The following OTOF variants were observed in gnomAD, a reference collection of about 807,000 sequenced individuals.
The protein encoded by OTOF is otoferlin, also known as fer-1-like family member 2.
OTOF carries 218 observed loss-of-function variants against 236.8 expected under a neutral mutation model. That is an observed-to-expected ratio of 0.92 (90% confidence interval 0.82 to 1.03). OTOF has a LOEUF of 1.03. Ranked by LOEUF, OTOF falls within the 50% of genes least tolerant of loss-of-function variation. The probability of loss-of-function intolerance (pLI) is 0.00; values close to 1 mark genes in which losing one functional copy is unlikely to be tolerated. For synonymous variants in OTOF, 1,041 were observed against 1,072.5 expected, an observed-to-expected ratio of 0.97 and a Z score of 0.57; for missense variants, 2,590 against 2,694.4, an observed-to-expected ratio of 0.96 and a Z score of 0.86.
intron 2 of OTOF, among the ~76,000 whole-genome samples, chr2:26,536,982 G>T (rs75270733): frequency 6.6e-6 from 1 of 152,162 alleles, no homozygotes; most frequent in Non-Finnish European, 1.5e-5. Flanking sequence ...CGAGGGGAAG[G>T]GCAGGGAGAG....
chr2:26,517,652 G>A (rs561458355), intron 4 of OTOF, among the ~76,000 whole-genome samples: 11 of 152,262 alleles, frequency 7.2e-5, no homozygotes, highest in African/African-American at 1.2e-4. Flanking sequence ...TGGGAAAATG[G>A]TGGTCTCTGG....
intron 8 of OTOF, among the ~76,000 whole-genome samples, chr2:26,501,157 G>A (rs568490122): frequency 1.3e-5 from 2 of 152,266 alleles, no homozygotes; most frequent in South Asian, 2.1e-4. Flanking sequence ...CACCTGTCCT[G>A]CCTGCACTGT....
At chr2:26,518,773 C>T (rs527568897) in intron 4 of OTOF, among the ~76,000 whole-genome samples, 23 of 152,332 alleles carry the variant, frequency 1.5e-4, no homozygotes, top group South Asian at 4.1e-4. Flanking sequence ...GCATTCCCAC[C>T]GTAGGAAGGG....
chr2:26,466,151 G>A, intron 36 of OTOF, 75 bp from the exon 37 acceptor site: 1 of 1,589,078 alleles, frequency 6.3e-7, no homozygotes, highest in African/African-American at 1.3e-5. Flanking sequence ...CAGGCTGCCT[G>A]AGGGTCCTAT....
In OTOF at chr2:26,518,998, G is replaced by A; in HGVS notation, c.327+12C>T. 1 of 1,588,992 alleles carries A rather than the reference G, an allele frequency of 6.3e-7. No individual in the cohort carries two copies. Among genetic ancestry groups the A allele is most frequent in the Non-Finnish European group, 8.6e-7 (1 of 1,160,798 alleles). On this transcript the variant is annotated intron_variant, in intron 4 of 46. Coordinates refer to ENST00000272371, the MANE Select transcript of OTOF (RefSeq NM_194248.3). The stretch of plus-strand genomic sequence containing the variant: ...TATGGGAAAGTCCAGGAACTCCGTG[G>A]GGCATACCCACCTTGATGATAGCAT...
At position 26,460,510 on chromosome 2, in the gene OTOF, G is replaced by A; in HGVS notation, c.5813+137C>T. 1 of 746,998 alleles carries A rather than the reference G, an allele frequency of 1.3e-6. No individual in the cohort carries two copies. Among genetic ancestry groups the A allele is most frequent in the African/African-American group, 1.7e-5 (1 of 57,816 alleles). 46.3% of individuals were successfully genotyped at this position (746,998 alleles called of 1,614,324 possible). A position where few individuals can be genotyped will look rare whatever the true frequency, so the allele number is the denominator to read the frequency against. On this transcript the variant is annotated intron_variant, in intron 45 of 46. Transcript: ENST00000272371. The surrounding 1 kb of genome is among the most constrained non-coding windows in gnomAD (Gnocchi z 5.3). ...AGGGACGTTGTGGGATTCAGGGTTG[G>A]CAGAGGGCAGGGAGGAGGCTCCCCT... is the stretch of plus-strand genomic sequence containing the variant.
rs758200266 is a variant in OTOF, at chr2:26,518,637, C to T, written c.327+373G>A. Among the ~76,000 whole-genome samples, 8 of 152,282 alleles carry T rather than the reference C, an allele frequency of 5.3e-5. No homozygotes were observed. In the East Asian group the frequency reaches 5.8e-4, roughly 11 times the overall value. On this transcript the variant is annotated intron_variant, in intron 4 of 46. Coordinates refer to ENST00000272371, the MANE Select transcript of OTOF (RefSeq NM_194248.3). ...GGTCCCTGCCCTCCCAGGGAGGACC[C>T]GAGCCAGATGTGCAGAGTGAAGGTC...
rs1214941659 is a variant in OTOF at position 26,460,974 on chromosome 2, A to G, written c.5590T>C (p.Cys1864Arg). The G allele has an allele frequency of 6.2e-7, 1 of 1,612,550 alleles. No individual in the cohort carries two copies. The highest frequency in any genetic ancestry group is 8.5e-7 in the Non-Finnish European group (1 of 1,179,698). ...FPRGAKTAKQCTMEMATGEVD... is the reference protein window; with the variant it reads ...FPRGAKTAKQRTMEMATGEVD... Reference sequence around the variant, plus strand: ...TCCCCGGTGGCCATCTCCATGGTGCACTGCTTGGCTGTCTTTGCGCCCCGC... The same window carrying G: ...TCCCCGGTGGCCATCTCCATGGTGCGCTGCTTGGCTGTCTTTGCGCCCCGC... The change falls in exon 44 of 47, where the codon TGC (cysteine) becomes CGC (arginine). Residue 1864 changes from cysteine (C) to arginine (R), a missense_variant. Around this residue, in one of 2 missense-constraint regions of OTOF, gnomAD observed 1,211 missense variants for 1,352.8 expected, o/e 0.90. Transcript: ENST00000272371. The surrounding 1 kb of genome is among the most constrained non-coding windows in gnomAD (Gnocchi z 5.3).
chr2:26,550,816 C>T (rs1474408425), intron 1 of OTOF, among the ~76,000 whole-genome samples: 1 of 152,162 alleles, frequency 6.6e-6, no homozygotes, highest in Non-Finnish European at 1.5e-5. Context: ...CTCTCCAAAA[C>T]AAGATCTTAG....
chr2:26,531,522 A>G (rs1326319117), intron 2 of OTOF, among the ~76,000 whole-genome samples: 4 of 152,202 alleles, frequency 2.6e-5, no homozygotes, highest in Admixed American at 2.0e-4. Flanking sequence ...AACTCTGTGC[A>G]GGTCTGCAAC....
At chr2:26,495,393 A>G (rs956241401) in intron 8 of OTOF, among the ~76,000 whole-genome samples, 2 of 152,100 alleles carry the variant, frequency 1.3e-5, no homozygotes, top group African/African-American at 4.8e-5. Context: ...CTCCAGACCA[A>G]TCCAATCCAA....
intron 1 of OTOF, among the ~76,000 whole-genome samples, chr2:26,546,234 G>C (rs577743495): frequency 6.6e-6 from 1 of 152,312 alleles, no homozygotes; most frequent in East Asian, 1.9e-4. Context: ...GCCGAGGCTG[G>C]TGGATCACTT....
At chr2:26,502,261 G>T in intron 7 of OTOF, 39 bp downstream of exon 7, 1 of 1,612,376 alleles carries the variant, frequency 6.2e-7, no homozygotes, top group Non-Finnish European at 8.5e-7. Context: ...GCCTGACAGG[G>T]TGGGGGCAGC....
chr2:26,467,740 A>T (rs888125573), intron 33 of OTOF, among the ~76,000 whole-genome samples: 1 of 152,218 alleles, frequency 6.6e-6, no homozygotes, highest in African/African-American at 2.4e-5. Context: ...AGAGAGGGGC[A>T]GGAAGGAGCA....
At chr2:26,555,806 C>A (rs1451035873) in intron 1 of OTOF, among the ~76,000 whole-genome samples, 1 of 152,172 alleles carries the variant, frequency 6.6e-6, no homozygotes, top group Admixed American at 6.5e-5. Flanking sequence ...GCAGCTGCTC[C>A]CAAGGAGAAT....
intron 5 of OTOF, among the ~76,000 whole-genome samples, chr2:26,510,235 C>T (rs1446860534): frequency 6.6e-6 from 1 of 152,140 alleles, no homozygotes; most frequent in Non-Finnish European, 1.5e-5. Flanking sequence ...TCCAACTCCA[C>T]CCACGACCTG....
Position 26,464,097 on chromosome 2 carries a change from T to G in OTOF, c.4970A>C (p.Lys1657Thr), listed in dbSNP as rs1664615061. Reference protein sequence around the residue: ...SEIEDENGQRKPTDEHVALLA... With the variant: ...SEIEDENGQRTPTDEHVALLA... ...CAGCGCCACATGCTCGTCTGTGGGC[T>G]TCCTCTGACCTGTGGGTGCCGGCGG... Residue 1657 changes from lysine (K) to threonine (T), a missense_variant, in exon 40 of 47, where the codon AAG (lysine) becomes ACG (threonine). Physicochemically the swap from Lys to Thr is moderately conservative, Grantham distance 78 (BLOSUM62 -1). This residue lies in a region of OTOF where 1,211 missense variants were observed against 1,352.8 expected (regional missense o/e 0.90). Coordinates refer to ENST00000272371, the MANE Select transcript of OTOF (RefSeq NM_194248.3). The G allele has an allele frequency of 6.2e-7, 1 of 1,613,426 alleles. No homozygotes were observed. The highest frequency in any genetic ancestry group is 1.3e-5 in the African/African-American group (1 of 74,926).
intron 46 of OTOF, 55 bp from the exon 47 acceptor site, chr2:26,458,275 T>C (rs1664285439): frequency 6.6e-7 from 1 of 1,518,406 alleles, no homozygotes; most frequent in Non-Finnish European, 8.9e-7. Flanking sequence ...TGCCTCCCAG[T>C]GCACCCCATC....
In OTOF at chr2:26,489,271, G is replaced by A. The variant is rs762413663; in HGVS notation, c.985C>T (p.Arg329Cys). The change falls in exon 11 of 47, where the codon CGC becomes TGC. Residue 329 changes from arginine (R) to cysteine (C), a missense_variant. Arg to Cys is a radical substitution (Grantham distance 180). Coordinates refer to ENST00000272371, the MANE Select transcript of OTOF (RefSeq NM_194248.3). ...AAGGAGCCCACCAGGGTGCCACTGC[G>A]CAGCAGGTTCTTGGAGTGAATCACC... ...ISVIHSKNLL[R>C]SGTLVGSFKM... 10 of 1,612,642 alleles carry A rather than the reference G, an allele frequency of 6.2e-6. No homozygotes were observed. Among genetic ancestry groups the A allele is most frequent in the Admixed American group, 1.7e-5 (1 of 59,982 alleles).
Sources: allele counts gnomAD v4.1 joint callset (sites outside exome capture counted in the v4.1 genomes callset), GRCh38; gene constraint gnomAD v4.1.1; regional missense constraint gnomAD v4.1.1; non-coding constraint Gnocchi (gnomAD v3.1); transcripts MANE v1.5; gene names NCBI Gene and HGNC (gene_info 2026-07-23, HGNC 2026-07-21).